Variants in MYL4 observed in about 807,000 individuals in gnomAD.
The protein encoded by MYL4 is myosin light chain 4.
In MYL4, 16 loss-of-function variants were observed where a neutral mutation model predicts 21.6. The observed-to-expected ratio is 0.74, with a 90% CI of 0.50 to 1.12. The LOEUF is 1.12. Ranked by LOEUF, MYL4 falls within the 50% of genes most tolerant of loss-of-function variation. The pLI is 0.00. For synonymous variants in MYL4, 82 were observed against 95.7 expected (o/e 0.86, Z 0.83); for missense variants, 249 against 252.9 (o/e 0.98, Z 0.11).
intron 1 of MYL4, among the ~76,000 whole-genome samples, chr17:47,212,296 CA>C (rs1188261000): frequency 6.6e-6 from 1 of 152,218 alleles, no homozygotes; most frequent in Admixed American, 6.5e-5. Flanking sequence ...CTGTACTCAG[CA>C]TTAAATTACT....
chr17:47,195,803 A>G (rs2064687384), upstream of MYL4, among the ~76,000 whole-genome samples: 1 of 152,164 alleles, frequency 6.6e-6, no homozygotes, highest in South Asian at 2.1e-4. Context: ...CTGTTACTCT[A>G]GTGCTACCAG....
rs780020430 is a variant in MYL4 at position 47,209,535 on chromosome 17, C to A, written c.113C>A (p.Ala38Asp). 25 of 1,614,092 alleles carry A rather than the reference C, an allele frequency of 1.5e-5. No homozygotes were observed. The highest frequency in any genetic ancestry group is 3.3e-4 in the Middle Eastern group (2 of 6,084). ...APAPEAPKEPAFDPKSVKIDF... is the reference protein window; with the variant it reads ...APAPEAPKEPDFDPKSVKIDF... ...GCTCCTGAGGCTCCCAAGGAACCTG[C>A]CTTTGACCCCAAGAGTGTAAAGGTA... is the stretch of plus-strand genomic sequence containing the variant. Residue 38 changes from alanine to aspartate, a missense_variant, in exon 1 of 7, where the codon GCC becomes GAC. Ala to Asp is a moderately radical substitution (Grantham distance 126). Transcript: ENST00000393450.
chr17:47,207,056 T>C (rs2064730983), upstream of MYL4, among the ~76,000 whole-genome samples: 2 of 152,090 alleles, frequency 1.3e-5, no homozygotes, highest in African/African-American at 4.8e-5. Context: ...GAATCAAGTT[T>C]GGTAGCCGGC....
intron 1 of MYL4, among the ~76,000 whole-genome samples, chr17:47,200,795 T>C (rs1160095974): frequency 6.6e-6 from 1 of 152,106 alleles, no homozygotes; most frequent in Non-Finnish European, 1.5e-5. Flanking sequence ...CTTCAACCAT[T>C]TAAACAATTG....
At chr17:47,213,512 ATATTT>A (rs199674133) in intron 1 of MYL4, among the ~76,000 whole-genome samples, 2,813 of 152,230 alleles carry the variant, frequency 0.018, 37 homozygotes, top group Middle Eastern at 0.071. Flanking sequence ...TTTTTGTATT[ATATTT>A]TATTTTCGTG....
chr17:47,223,839 G>C (rs1362651586), downstream of MYL4, among the ~76,000 whole-genome samples: 2 of 152,170 alleles, frequency 1.3e-5, no homozygotes, highest in East Asian at 3.8e-4. Flanking sequence ...AAGGACAAAA[G>C]CCTGTGGATC....
rs115582063 is a variant in MYL4, at chr17:47,219,886, T to C, written c.164-18T>C. The C allele has an allele frequency of 2.9e-3, 4,617 of 1,614,218 alleles. 120 individuals carry two copies. The African/African-American group carries it at 0.054, about 19-fold the overall frequency. ...TTCACTGGGGATTGGAAGGTATAGC[T>C]GGGTCTTCTCTCCACAGAGTTCAAA... On this transcript the variant is annotated intron_variant, in intron 2 of 6. Coordinates refer to ENST00000393450, the MANE Select transcript of MYL4 (RefSeq NM_002476.2).
upstream of MYL4, among the ~76,000 whole-genome samples, chr17:47,206,604 G>A (rs1322574531): frequency 2.6e-5 from 4 of 152,112 alleles, no homozygotes; most frequent in Admixed American, 6.5e-5. Flanking sequence ...TGATGGTGGT[G>A]GAAGGAGCTC....
chr17:47,226,033 C>G (rs1414069477), downstream of MYL4, among the ~76,000 whole-genome samples: 1 of 152,120 alleles, frequency 6.6e-6, no homozygotes, highest in Non-Finnish European at 1.5e-5. Context: ...CCTCCTCCCT[C>G]TCTTCTTTCT....
chr17:47,222,979 A>T, intron 5 of MYL4, 35 bp from the exon 6 acceptor site: 1 of 1,614,048 alleles, frequency 6.2e-7, no homozygotes, highest in Non-Finnish European at 8.5e-7. Flanking sequence ...AGAGGCGCTG[A>T]GCCACATGGT....
intron 6 of MYL4, 90 bp downstream of exon 6, chr17:47,223,147 C>T (rs1205566240): frequency 2.2e-6 from 3 of 1,372,236 alleles, no homozygotes; most frequent in African/African-American, 2.9e-5. Flanking sequence ...TCTGTCCCAG[C>T]CCTGACCCCT....
the MYL4 span, among the ~76,000 whole-genome samples, chr17:47,190,633 T>C: frequency 1.3e-5 from 2 of 152,180 alleles, no homozygotes; most frequent in Non-Finnish European, 2.9e-5. Flanking sequence ...TGTCACTGTA[T>C]ATATACTTAT....
chr17:47,216,110 T>C lies in MYL4; in HGVS notation c.163+2284T>C, dbSNP rs546217154. Reference sequence around the variant, plus strand: ...ATTTCTTTTGTGCTTTTTTTTTTTTTCCCCCTCATAGGAATTAGCTTCTAA... The same window carrying C: ...ATTTCTTTTGTGCTTTTTTTTTTTTCCCCCCTCATAGGAATTAGCTTCTAA... On this transcript the variant is annotated intron_variant, in intron 2 of 6. Coordinates refer to ENST00000393450, the MANE Select transcript of MYL4 (RefSeq NM_002476.2). Among the ~76,000 whole-genome samples the C allele has an allele frequency of 3.0e-3, 449 of 150,058 alleles. 3 individuals carry two copies. Among genetic ancestry groups the C allele is most frequent in the African/African-American group, 9.2e-3 (379 of 40,978 alleles).
chr17:47,215,480 G>A (rs966621673), intron 2 of MYL4, among the ~76,000 whole-genome samples: 1 of 152,066 alleles, frequency 6.6e-6, no homozygotes, highest in Admixed American at 6.5e-5. Flanking sequence ...CTTTTCATTT[G>A]TTTTTTGGTG....
downstream of MYL4, chr17:47,223,788 G>A (rs2064875007): frequency 6.6e-6 from 1 of 152,282 alleles, no homozygotes; most frequent in African/African-American, 2.4e-5. Context: ...GAGGCCTCAT[G>A]TGTGCTCAGA....
intron 2 of MYL4, among the ~76,000 whole-genome samples, chr17:47,215,289 A>T (rs1007092971): frequency 6.6e-6 from 1 of 152,226 alleles, no homozygotes; most frequent in African/African-American, 2.4e-5. Flanking sequence ...TCAACTAATG[A>T]TTTAAAATTT....
At chr17:47,209,766 G>T (rs1567745155) in intron 1 of MYL4, 1 of 707,010 alleles carries the variant, frequency 1.4e-6, no homozygotes, top group Non-Finnish European at 2.4e-6. Context: ...CAAGAATGAG[G>T]TGCTGCTTTG....
rs184784420 is a variant in MYL4 at position 47,221,159 on chromosome 17, G to A, written c.314-523G>A. Among the ~76,000 whole-genome samples, 5 of 152,298 alleles carry A rather than the reference G, an allele frequency of 3.3e-5. No homozygotes were observed. In the East Asian group the frequency reaches 9.6e-4, roughly 29 times the overall value. On this transcript the variant is annotated intron_variant, in intron 3 of 6. Transcript: ENST00000393450. The stretch of plus-strand genomic sequence containing the variant: ...TGGGAGAAGTATGCTATTCACAAGA[G>A]AACTGTGAATTTATAAGAATTATTG...
At chr17:47,213,755 G>A in intron 1 of MYL4, 44 bp from the exon 2 acceptor site, 2 of 1,609,990 alleles carry the variant, frequency 1.2e-6, no homozygotes, top group African/African-American at 1.3e-5. Context: ...CTTTACAACT[G>A]CTTTTAGCAA....
Sources: gnomAD v4.1 joint callset for allele counts (sites outside exome capture counted in the v4.1 genomes callset) on GRCh38, gnomAD v4.1.1 for gene constraint, MANE v1.5 for transcripts, NCBI Gene and HGNC (gene_info 2026-07-23, HGNC 2026-07-21) for gene names.